The following IAPP variants were observed in gnomAD, a reference collection of about 807,000 sequenced individuals.
IAPP encodes the protein Islet amyloid polypeptide (diabetes-associated peptide; amylin).
In IAPP, 4 loss-of-function variants were observed where a neutral mutation model predicts 2.9. The ratio of observed to expected loss-of-function variants is 1.39; its 90% CI spans 0.69 to 3.19. The LOEUF (loss-of-function observed/expected upper bound fraction) is 3.19. Among genes scored for constraint, IAPP ranks in the 30% most tolerant of loss-of-function variants. IAPP has a pLI of 0.01. For synonymous variants in IAPP, 40 were observed against 42.1 expected, an observed-to-expected ratio of 0.95 and a Z score of 0.19; for missense variants, 114 against 105.3, an observed-to-expected ratio of 1.08 and a Z score of -0.36.
At chr12:21,370,970 C>T (rs765323812), upstream of IAPP, among the ~76,000 whole-genome samples, 5 of 152,140 alleles carry the variant, frequency 3.3e-5, no homozygotes, top group Admixed American at 6.5e-5. Flanking sequence ...ATTGAAGAGG[C>T]GGTGTTACAG....
chr12:21,373,222 T>G (rs1939927226), intron 1 of IAPP, 115 bp from the exon 2 acceptor site: 1 of 726,892 alleles, frequency 1.4e-6, no homozygotes, highest in East Asian at 2.7e-5. Flanking sequence ...ATTTTGATCC[T>G]TGTAAATTAC....
In IAPP at chr12:21,361,595, G is replaced by A. The variant is rs186153616; in HGVS notation, c.-16+6582G>A. On this transcript the variant is annotated intron_variant, in intron 1 of 2. Coordinates refer to the IAPP transcript ENST00000539393. Reference sequence around the variant, plus strand: ...AAGATTGGTAATAACAAACTTCTCCGAGCTAAAGGAGGATGTTTGAACCTA... The same window carrying A: ...AAGATTGGTAATAACAAACTTCTCCAAGCTAAAGGAGGATGTTTGAACCTA... 1.7e-3 allele frequency among the ~76,000 whole-genome samples: 262 copies of A among 152,276 alleles called. 1 individual carries two copies. Among genetic ancestry groups the A allele is most frequent in the South Asian group, 1.5e-3 (7 of 4,820 alleles).
At chr12:21,375,787 T>A (rs747786655) in intron 2 of IAPP, among the ~76,000 whole-genome samples, 73 of 152,210 alleles carry the variant, frequency 4.8e-4, no homozygotes, top group Non-Finnish European at 9.6e-4. Flanking sequence ...TGGCTTATTG[T>A]CATCTCTGTT....
intron 1 of IAPP, among the ~76,000 whole-genome samples, chr12:21,365,156 G>T (rs950572197): frequency 2.0e-5 from 3 of 152,142 alleles, no homozygotes; most frequent in African/African-American, 7.2e-5. Flanking sequence ...ATACTACAAG[G>T]CTACAGTAAC....
chr12:21,370,121 A>G (rs764711290), upstream of IAPP, among the ~76,000 whole-genome samples: 1 of 152,206 alleles, frequency 6.6e-6, no homozygotes, highest in Non-Finnish European at 1.5e-5. Context: ...TGGATCAGAC[A>G]GATAAGAATT....
chr12:21,376,237 T>G, intron 2 of IAPP: 1 of 195,720 alleles, frequency 5.1e-6, no homozygotes, highest in Non-Finnish European at 1.1e-5. Flanking sequence ...TGTGCTTCAG[T>G]CATATGCTAA....
intron 1 of IAPP, among the ~76,000 whole-genome samples, chr12:21,364,112 C>A (rs1338029146): frequency 1.3e-5 from 2 of 152,094 alleles, no homozygotes; most frequent in African/African-American, 4.8e-5. Context: ...AATTTTAGAC[C>A]AATATCCCTG....
intron 2 of IAPP, among the ~76,000 whole-genome samples, chr12:21,377,831 A>G (rs1423164695): frequency 6.6e-6 from 1 of 152,220 alleles, no homozygotes; most frequent in East Asian, 1.9e-4. Flanking sequence ...GGAAAGATGT[A>G]GAAATAATTA....
At position 21,373,374 on chromosome 12, in the gene IAPP, T is replaced by C. The variant is rs1416344280; in HGVS notation, c.23T>C (p.Val8Ala). The change falls in exon 2 of 3, where the codon GTA becomes GCA. Residue 8 changes from valine to alanine, a missense_variant. Coordinates refer to ENST00000240652, the MANE Select transcript of IAPP (RefSeq NM_000415.3). ...GCAATGGGCATCCTGAAGCTGCAAG[T>C]ATTTCTCATTGTGCTCTCTGTTGCA... is the stretch of plus-strand genomic sequence containing the variant. MGILKLQ[V>A]FLIVLSVALN... 1 of 1,613,502 alleles carries C rather than the reference T, an allele frequency of 6.2e-7. No individual in the cohort carries two copies. Among genetic ancestry groups the C allele is most frequent in the Admixed American group, 1.7e-5 (1 of 60,014 alleles).
chr12:21,373,746 T>A lies in IAPP; in HGVS notation c.80+315T>A, dbSNP rs1210556291. 3 of 700,524 alleles carry A rather than the reference T, an allele frequency of 4.3e-6. No homozygotes were observed. In the South Asian group the frequency reaches 4.5e-5, roughly 10 times the overall value. 43.4% of individuals were successfully genotyped at this position (700,524 alleles called of 1,614,324 possible). The stretch of plus-strand genomic sequence containing the variant: ...AAAAAATCAAAAGGTAGTAATTTCT[T>A]CTATATTAACCTGATACTGAAACAA... On this transcript the variant is annotated intron_variant, in intron 2 of 2. Coordinates refer to ENST00000240652, the MANE Select transcript of IAPP (RefSeq NM_000415.3).
chr12:21,363,747 T>TA (rs1939134661), intron 1 of IAPP, among the ~76,000 whole-genome samples: 1 of 152,076 alleles, frequency 6.6e-6, no homozygotes. Context: ...TACAAACTAC[T>TA]ATCAGAGAAT....
At chr12:21,377,081 T>A (rs1345318723) in intron 2 of IAPP, among the ~76,000 whole-genome samples, 1 of 152,202 alleles carries the variant, frequency 6.6e-6, no homozygotes, top group African/African-American at 2.4e-5. Context: ...AAATGAATTA[T>A]TTAATGTGTG....
At chr12:21,363,972 A>G (rs1463716756) in intron 1 of IAPP, among the ~76,000 whole-genome samples, 1 of 152,194 alleles carries the variant, frequency 6.6e-6, no homozygotes, top group Non-Finnish European at 1.5e-5. Flanking sequence ...AGAGGTAAAA[A>G]GAGGAGCTGG....
chr12:21,370,655 C>T (rs1009216160), upstream of IAPP, among the ~76,000 whole-genome samples: 2 of 151,958 alleles, frequency 1.3e-5, no homozygotes, highest in African/African-American at 4.8e-5. Context: ...GCACCCTTAA[C>T]ATCTTAGAGA....
chr12:21,362,977 A>G (rs770651514), intron 1 of IAPP, among the ~76,000 whole-genome samples: 1 of 152,210 alleles, frequency 6.6e-6, no homozygotes, highest in Non-Finnish European at 1.5e-5. Flanking sequence ...TGAACATTAG[A>G]CAGATCAACA....
At chr12:21,368,470 ATT>A (rs35001636), upstream of IAPP, among the ~76,000 whole-genome samples, 2 of 148,766 alleles carry the variant, frequency 1.3e-5, no homozygotes, top group African/African-American at 2.5e-5. Context: ...AACCAGTTAA[ATT>A]TTTTTTTTTG....
chr12:21,359,401 G>C (rs1474046596), intron 1 of IAPP, among the ~76,000 whole-genome samples: 1 of 146,734 alleles, frequency 6.8e-6, no homozygotes, highest in Non-Finnish European at 1.5e-5. Flanking sequence ...AAACATTAGT[G>C]AAAAAAAAAA....
Position 21,373,738 on chromosome 12 carries a change from T to C in IAPP, c.80+307T>C, listed in dbSNP as rs1330169011. ...AAGCGGGAAAAAAATCAAAAGGTAG[T>C]AATTTCTTCTATATTAACCTGATAC... On this transcript the variant is annotated intron_variant, in intron 2 of 2. Coordinates refer to ENST00000240652, the MANE Select transcript of IAPP (RefSeq NM_000415.3). The C allele has an allele frequency of 1.3e-5, 9 of 700,980 alleles. No homozygotes were observed. The South Asian group carries it at 1.3e-4, about 10-fold the overall frequency. 43.4% of individuals were successfully genotyped at this position (700,980 alleles called of 1,614,324 possible). A position where few individuals can be genotyped will look rare whatever the true frequency, so the allele number is the denominator to read the frequency against.
intron 1 of IAPP, among the ~76,000 whole-genome samples, chr12:21,361,332 T>C (rs1938859823): frequency 6.6e-6 from 1 of 152,040 alleles, no homozygotes; most frequent in South Asian, 2.1e-4. Context: ...TCCTGACTGT[T>C]AGAAGGAAAA....
Sources: allele counts gnomAD v4.1 joint callset (sites outside exome capture counted in the v4.1 genomes callset), GRCh38; gene constraint gnomAD v4.1.1; transcripts MANE v1.5; gene names NCBI Gene and HGNC (gene_info 2026-07-23, HGNC 2026-07-21).